Variants in KDM1A observed in about 807,000 individuals in gnomAD.
KDM1A encodes lysine demethylase 1A, also known as lysine-specific histone demethylase 1A.
A neutral mutation model predicts 109.4 loss-of-function variants in KDM1A; 49 were observed. The observed-to-expected ratio is 0.45, with a 90% CI of 0.36 to 0.57. KDM1A has a LOEUF of 0.57. Among genes scored for constraint, KDM1A ranks in the 20% least tolerant of loss-of-function variants. The pLI, the probability that KDM1A is intolerant of heterozygous loss-of-function variation, is 0.00. For synonymous variants in KDM1A, 380 were observed against 415.4 expected (o/e 0.91, Z 1.04); for missense variants, 668 against 1,116.6 (o/e 0.60, Z 5.73).
chr1:23,073,883 G>A (rs1042771013), intron 15 of KDM1A, among the ~76,000 whole-genome samples: 2 of 152,140 alleles, frequency 1.3e-5, no homozygotes, highest in Non-Finnish European at 2.9e-5. Flanking sequence ...CCATTGTGTG[G>A]ATATACCACT....
chr1:23,021,751 A>G (rs769010070), intron 1 of KDM1A, among the ~76,000 whole-genome samples: 33 of 152,226 alleles, frequency 2.2e-4, no homozygotes, highest in Admixed American at 2.1e-3. Context: ...GGTTTTTAGC[A>G]TATTTACAAG....
Position 23,079,636 on chromosome 1 carries a change from T to TG in KDM1A, c.2140dup (p.Glu714GlyfsTer10). On this transcript the variant is annotated frameshift_variant, in exon 18 of 21. Transcript: ENST00000400181. LOFTEE classifies it high-confidence loss of function. This position sits in a 1 kb window ranked among gnomAD's most constrained non-coding sequence, Gnocchi z 5.6. ...TTGGCAGTACGACTGCCAGCAGGGG[T>TG]GAGCTCTTCCTCTTCTGGAACCTCT... 1 of 1,613,542 alleles carries TG rather than the reference T, an allele frequency of 6.2e-7. No individual in the cohort carries two copies. The highest frequency in any genetic ancestry group is 8.5e-7 in the Non-Finnish European group (1 of 1,179,584).
Position 23,025,373 on chromosome 1 carries a change from C to G in KDM1A, c.352-5096C>G, listed in dbSNP as rs1052578668. On this transcript the variant is annotated intron_variant, in intron 1 of 20. Transcript: ENST00000400181. ...GAGATGAAGTCTCACTCTTTTCCCT[C>G]AGGCTGGAGTGCAATGGTGTGATCT... Among the ~76,000 whole-genome samples, 7 of 148,566 alleles carry G rather than the reference C, an allele frequency of 4.7e-5. No homozygotes were observed. The South Asian group carries it at 1.5e-3, about 32-fold the overall frequency.
intron 6 of KDM1A, 145 bp downstream of exon 6, chr1:23,055,306 T>C (rs926929210): frequency 3.9e-5 from 15 of 384,188 alleles, no homozygotes; most frequent in Non-Finnish European, 5.9e-5. Context: ...CTTCTTAAAG[T>C]CAAGTTAAAT....
At position 23,057,553 on chromosome 1, in the gene KDM1A, G is replaced by T; in HGVS notation, c.1060G>T (p.Val354Leu). ...TGTAGCTGATCTTGGAGCCATGGTGGTAACAGGTCTTGGTAAGTAGCTATT... is the reference window on the plus strand; with the variant it reads ...TGTAGCTGATCTTGGAGCCATGGTGTTAACAGGTCTTGGTAAGTAGCTATT... ...NYVADLGAMV[V>L]TGLGGNPMAV... The change falls in exon 8 of 21, where the codon GTA becomes TTA. Residue 354 changes from valine to leucine, a missense_variant. Transcript: ENST00000400181. The T allele has an allele frequency of 6.2e-7, 1 of 1,613,262 alleles. No homozygotes were observed. The highest frequency in any genetic ancestry group is 8.5e-7 in the Non-Finnish European group (1 of 1,179,384).
At chr1:23,048,659 A>G (rs1642571942) in intron 3 of KDM1A, among the ~76,000 whole-genome samples, 1 of 152,060 alleles carries the variant, frequency 6.6e-6, no homozygotes, top group Non-Finnish European at 1.5e-5. Flanking sequence ...CTTGTTAAAC[A>G]TGATTTTTTT....
intron 15 of KDM1A, among the ~76,000 whole-genome samples, chr1:23,076,090 C>T (rs1643455753): frequency 6.6e-6 from 1 of 152,088 alleles, no homozygotes; most frequent in African/African-American, 2.4e-5. Flanking sequence ...AACTTAGGCC[C>T]TTCTAGTCAT....
At chr1:23,068,789 T>C (rs1643225256) in intron 11 of KDM1A, 108 bp downstream of exon 11, 2 of 988,776 alleles carry the variant, frequency 2.0e-6, no homozygotes, top group African/African-American at 3.3e-5. Context: ...TTTTACTTAA[T>C]TTTGTATGAA....
In KDM1A at chr1:23,082,252, T is replaced by C; in HGVS notation, c.2331T>C (p.Ala777=). The stretch of plus-strand genomic sequence containing the variant: ...AAACTGTGGTGTCTCGTTGGCGTGC[T>C]GATCCCTGGGCTCGGGGCTCTTATT... The part of the protein sequence containing the change: ...PKETVVSRWR[A]DPWARGSYSY... The change falls in exon 20 of 21, where the codon GCT becomes GCC. Residue 777 remains alanine, a synonymous_variant. Coordinates refer to ENST00000400181, the MANE Select transcript of KDM1A (RefSeq NM_001009999.3). The C allele has an allele frequency of 3.7e-6, 6 of 1,613,966 alleles. No individual in the cohort carries two copies. Among genetic ancestry groups the C allele is most frequent in the Non-Finnish European group, 4.2e-6 (5 of 1,179,982 alleles).
At chr1:23,065,883 T>C (rs1203221503) in intron 9 of KDM1A, among the ~76,000 whole-genome samples, 177 bp from the exon 10 acceptor site, 1 of 152,194 alleles carries the variant, frequency 6.6e-6, no homozygotes, top group African/African-American at 2.4e-5. Flanking sequence ...CCATTTGGTC[T>C]CTGTACAATC....
At chr1:23,042,445 T>TTTATTA (rs1642369729) in intron 2 of KDM1A, among the ~76,000 whole-genome samples, 1 of 71,278 alleles carries the variant, frequency 1.4e-5, no homozygotes, top group African/African-American at 5.4e-5. Flanking sequence ...ATATTATTTT[T>TTTATTA]TTTTTTTTTT....
At chr1:23,053,228 T>A (rs1439958727) in intron 4 of KDM1A, among the ~76,000 whole-genome samples, 2 of 152,224 alleles carry the variant, frequency 1.3e-5, no homozygotes, top group Admixed American at 6.5e-5. Flanking sequence ...CTAGGTGGTT[T>A]TCTCTTTTAG....
intron 9 of KDM1A, among the ~76,000 whole-genome samples, chr1:23,064,977 C>A (rs1055747875): frequency 3.9e-5 from 6 of 152,098 alleles, no homozygotes; most frequent in African/African-American, 1.4e-4. Context: ...GTCCTTTCCC[C>A]AAAAATGTTT....
In KDM1A at chr1:23,079,986, C is replaced by A. The variant is rs1477714048; in HGVS notation, c.2170+319C>A. On this transcript the variant is annotated intron_variant, in intron 18 of 20. Coordinates refer to ENST00000400181, the MANE Select transcript of KDM1A (RefSeq NM_001009999.3). This position sits in a 1 kb window ranked among gnomAD's most constrained non-coding sequence, Gnocchi z 5.6. Reference sequence around the variant, plus strand: ...GAGGCTTCCTACCAGGGGAAGCTTGCGTTCTCATTCTCAGACTGACTTGCC... The same window carrying A: ...GAGGCTTCCTACCAGGGGAAGCTTGAGTTCTCATTCTCAGACTGACTTGCC... 6.6e-6 allele frequency among the ~76,000 whole-genome samples: 1 copy of A among 152,106 alleles called. No homozygotes were observed. Among genetic ancestry groups the A allele is most frequent in the Non-Finnish European group, 1.5e-5 (1 of 68,010 alleles).
chr1:23,031,222 C>G (rs776641050), intron 2 of KDM1A, among the ~76,000 whole-genome samples: 6 of 152,178 alleles, frequency 3.9e-5, no homozygotes, highest in Non-Finnish European at 5.9e-5. Flanking sequence ...CACTAACATC[C>G]CCTCAATGCT....
At chr1:23,031,778 C>T (rs1428164299) in intron 2 of KDM1A, among the ~76,000 whole-genome samples, 1 of 152,108 alleles carries the variant, frequency 6.6e-6, no homozygotes, top group African/African-American at 2.4e-5. Context: ...TGAGAACATT[C>T]AGAAAAAGAT....
intron 2 of KDM1A, among the ~76,000 whole-genome samples, chr1:23,032,805 A>T (rs910635151): frequency 1.3e-5 from 2 of 152,206 alleles, no homozygotes; most frequent in African/African-American, 4.8e-5. Flanking sequence ...AGGGTTTCTA[A>T]GTCTTTTGTC....
intron 1 of KDM1A, among the ~76,000 whole-genome samples, chr1:23,021,584 G>C (rs772157490): frequency 1.4e-4 from 22 of 152,194 alleles, no homozygotes; most frequent in Non-Finnish European, 2.5e-4. Flanking sequence ...AGAATTGCTT[G>C]AACCCGGGAG....
chr1:23,034,921 T>C (rs1454767698), intron 2 of KDM1A, among the ~76,000 whole-genome samples: 2 of 152,166 alleles, frequency 1.3e-5, no homozygotes, highest in African/African-American at 4.8e-5. Context: ...TGCATGTGAG[T>C]GTGTGTATCA....
Sources: allele counts gnomAD v4.1 joint callset (sites outside exome capture counted in the v4.1 genomes callset), GRCh38; gene constraint gnomAD v4.1.1; non-coding constraint Gnocchi (gnomAD v3.1); transcripts MANE v1.5; gene names NCBI Gene and HGNC (gene_info 2026-07-23, HGNC 2026-07-21).